Variants in TIAM2 observed in about 807,000 individuals in gnomAD.
TIAM2 encodes the protein rho guanine nucleotide exchange factor TIAM2.
A neutral mutation model predicts 152.9 loss-of-function variants in TIAM2; 80 were observed. That is an observed-to-expected ratio of 0.52 (90% CI 0.44 to 0.63). TIAM2 has a LOEUF of 0.63. TIAM2 is among the 30% of genes least tolerant of loss of function. The probability of loss-of-function intolerance (pLI) is 0.00; values close to 1 mark genes in which losing one functional copy is unlikely to be tolerated. For missense variants in TIAM2, 1,965 were observed against 2,120.1 expected, an observed-to-expected ratio of 0.93 and a Z score of 1.44; for synonymous variants, 804 against 838.0, an observed-to-expected ratio of 0.96 and a Z score of 0.70.
intron 9 of TIAM2, among the ~76,000 whole-genome samples, chr6:155,168,349 A>T (rs1042741778): frequency 7.9e-5 from 12 of 151,780 alleles, no homozygotes; most frequent in African/African-American, 1.5e-4. Flanking sequence ...ATCAAGAATG[A>T]ATTTATTTAT....
intron 1 of TIAM2, among the ~76,000 whole-genome samples, chr6:155,057,541 CTTTTTT>C (rs71023613): frequency 3.7e-5 from 3 of 80,072 alleles, no homozygotes; most frequent in African/African-American, 1.1e-4. Flanking sequence ...CCATAATGTA[CTTTTTT>C]TTTTTTTTTT....
intron 1 of TIAM2, among the ~76,000 whole-genome samples, chr6:155,007,892 G>T (rs1273752033): frequency 1.3e-5 from 2 of 152,216 alleles, no homozygotes; most frequent in Non-Finnish European, 2.9e-5. Flanking sequence ...TGTCACTGCA[G>T]CGTGGCATTT....
At chr6:155,163,007 TGG>T (rs1336165770) in intron 7 of TIAM2, among the ~76,000 whole-genome samples, 1 of 152,180 alleles carries the variant, frequency 6.6e-6, no homozygotes, top group African/African-American at 2.4e-5. Context: ...GGAAAAGGTC[TGG>T]GGAATGCCCA....
chr6:155,028,605 T>TTATATATACTACATATAATATACTGTTA (rs1776694060), intron 1 of TIAM2, among the ~76,000 whole-genome samples: 1 of 105,536 alleles, frequency 9.5e-6, no homozygotes, highest in Non-Finnish European at 1.9e-5. Flanking sequence ...ATATACTGTG[T>TTATATATACTACATATAATATACTGTTA]TATATATACT....
At chr6:155,088,271 C>T (rs1485743853) in intron 1 of TIAM2, among the ~76,000 whole-genome samples, 6 of 151,966 alleles carry the variant, frequency 3.9e-5, no homozygotes, top group South Asian at 2.1e-4. Context: ...GTTCAAACCC[C>T]AGCCACTCCA....
Position 155,091,990 on chromosome 6 carries a change from C to T in TIAM2, c.-118+1611C>T, listed in dbSNP as rs549710224. Among the ~76,000 whole-genome samples the T allele has an allele frequency of 3.2e-3, 493 of 152,298 alleles. 5 individuals are homozygous for T. Among genetic ancestry groups the T allele is most frequent in the African/African-American group, 0.011 (447 of 41,582 alleles). On this transcript the variant is annotated intron_variant, in intron 2 of 26. Coordinates refer to ENST00000682666, the MANE Select transcript of TIAM2 (RefSeq NM_012454.4). ...TTGGCTCACTGCAACCTCGACCACC[C>T]GGGATCAAGCAGTCCTCCCACCTCA... is the stretch of plus-strand genomic sequence containing the variant.
In TIAM2 at chr6:155,137,330, G is replaced by A. The variant is rs1314938755; in HGVS notation, c.1348G>A (p.Gly450Ser). 9 of 1,614,076 alleles carry A rather than the reference G, an allele frequency of 5.6e-6. No homozygotes were observed. The highest frequency in any genetic ancestry group is 6.8e-6 in the Non-Finnish European group (8 of 1,180,036). The part of the protein sequence containing the change: ...SQRSESTHAI[G>S]SDPLRQNIYE... ...GAGAAGTGAATCCACACATGCGATT[G>A]GCAGCGATCCCCTCCGGCAGAACAT... Residue 450 changes from glycine to serine, a missense_variant, in exon 5 of 27, where the codon GGC becomes AGC. This residue lies in a region of TIAM2 where 1,025 missense variants were observed against 1,119.4 expected (regional missense o/e 0.92). Transcript: ENST00000682666.
At chr6:155,014,975 G>A (rs1196911128) in intron 1 of TIAM2, among the ~76,000 whole-genome samples, 1 of 152,154 alleles carries the variant, frequency 6.6e-6, no homozygotes, top group Admixed American at 6.6e-5. Flanking sequence ...GGGCTTGAAA[G>A]TGTGGTTAGG....
intron 1 of TIAM2, among the ~76,000 whole-genome samples, chr6:155,012,488 A>G (rs1001357822): frequency 6.6e-6 from 1 of 152,220 alleles, no homozygotes; most frequent in African/African-American, 2.4e-5. Flanking sequence ...TCTGTAAGAT[A>G]TAGGGTATCT....
intron 1 of TIAM2, among the ~76,000 whole-genome samples, chr6:155,055,967 A>C (rs1777441536): frequency 6.6e-6 from 1 of 152,110 alleles, no homozygotes; most frequent in Non-Finnish European, 1.5e-5. Flanking sequence ...CTGACTCAAA[A>C]AACAAAACAA....
At chr6:155,201,418 A>G (rs1349087795) in intron 14 of TIAM2, among the ~76,000 whole-genome samples, 1 of 152,154 alleles carries the variant, frequency 6.6e-6, no homozygotes, top group East Asian at 1.9e-4. Flanking sequence ...CCTGAAGGTA[A>G]GTAAGTGTGG....
At chr6:155,164,133 G>GTTTTTTTTTTTTTT (rs375238178) in intron 7 of TIAM2, among the ~76,000 whole-genome samples, 4,606 of 117,484 alleles carry the variant, frequency 0.039, 724 homozygotes, top group Non-Finnish European at 0.052. Context: ...TAATTTTTGT[G>GTTTTTTTTTTTTTT]TTTTTTTTTT....
At chr6:155,232,822 G>T (rs373510894) in intron 15 of TIAM2, 2 of 152,142 alleles carry the variant, frequency 1.3e-5, no homozygotes, top group Non-Finnish European at 2.9e-5. Flanking sequence ...TGTTGGTTAC[G>T]TCTGTTACGG....
intron 1 of TIAM2, among the ~76,000 whole-genome samples, chr6:155,051,828 C>CG (rs1777325802): frequency 6.6e-6 from 1 of 151,868 alleles, no homozygotes; most frequent in Non-Finnish European, 1.5e-5. Context: ...TTATTAGAGA[C>CG]GGGGTTTCAC....
intron 15 of TIAM2, among the ~76,000 whole-genome samples, chr6:155,236,274 C>T (rs1782752923): frequency 6.6e-6 from 1 of 151,868 alleles, no homozygotes; most frequent in Admixed American, 6.6e-5. Context: ...GCACCACTCC[C>T]AGAAATCCAA....
At chr6:155,052,738 C>G (rs1173887371) in intron 1 of TIAM2, among the ~76,000 whole-genome samples, 1 of 111,860 alleles carries the variant, frequency 8.9e-6, no homozygotes, top group African/African-American at 3.4e-5. Context: ...CACCAATGCA[C>G]TCTAAGCCTG....
At position 155,251,934 on chromosome 6, in the gene TIAM2, C is replaced by T. The variant is rs746006844; in HGVS notation, c.4061-11C>T. 7 of 1,595,392 alleles carry T rather than the reference C, an allele frequency of 4.4e-6. No individual in the cohort carries two copies. The African/African-American group carries it at 9.5e-5, about 22-fold the overall frequency. On this transcript the variant is annotated splice_polypyrimidine_tract_variant and intron_variant, in intron 22 of 26. Transcript: ENST00000682666. ...AAAATAAAGACTTTCTTTCTCTTTT[C>T]CTTTCTTTAGTTTTTAAGAGAGCCG...
At chr6:155,026,970 A>G (rs1300015864) in intron 1 of TIAM2, among the ~76,000 whole-genome samples, 1 of 152,168 alleles carries the variant, frequency 6.6e-6, no homozygotes, top group Non-Finnish European at 1.5e-5. Flanking sequence ...GATATTCTGC[A>G]TGTCCATATA....
In TIAM2 at chr6:155,074,591, G is replaced by A. The variant is rs534708497; in HGVS notation, c.-208-15698G>A. 6.6e-5 allele frequency among the ~76,000 whole-genome samples: 10 copies of A among 152,182 alleles called. No homozygotes were observed. The South Asian group carries it at 1.7e-3, about 25-fold the overall frequency. Reference sequence around the variant, plus strand: ...TCGAACTCCTGACCTCACGTGATCCGCCTGCCTTGGCCTCCCAAAGTGCTG... The same window carrying A: ...TCGAACTCCTGACCTCACGTGATCCACCTGCCTTGGCCTCCCAAAGTGCTG... On this transcript the variant is annotated intron_variant, in intron 1 of 26. Transcript: ENST00000682666.
Sources: gnomAD v4.1 joint callset for allele counts (sites outside exome capture counted in the v4.1 genomes callset) on GRCh38, gnomAD v4.1.1 for gene constraint, gnomAD v4.1.1 regional missense constraint, MANE v1.5 for transcripts, NCBI Gene and HGNC (gene_info 2026-07-23, HGNC 2026-07-21) for gene names.